PDLIM5: variants seen among roughly 807,000 people sequenced by gnomAD.
The protein encoded by PDLIM5 is PDZ and LIM domain protein 5.
In PDLIM5, 34 loss-of-function variants were observed where a neutral mutation model predicts 64.2. The observed-to-expected ratio is 0.53, with a 90% CI of 0.40 to 0.71. The LOEUF is 0.71. Ranked by LOEUF, PDLIM5 falls within the 30% of genes least tolerant of loss-of-function variation. The pLI is 0.00. For missense variants in PDLIM5, 683 were observed against 733.6 expected (o/e 0.93, Z 0.80); for synonymous variants, 253 against 269.1 (o/e 0.94, Z 0.59).
chr4:94,497,800 A>G (rs1033016564), intron 2 of PDLIM5, among the ~76,000 whole-genome samples: 9 of 152,124 alleles, frequency 5.9e-5, no homozygotes, highest in Non-Finnish European at 1.0e-4. Flanking sequence ...AAATCTTAGG[A>G]GATTTTGGGC....
intron 2 of PDLIM5, among the ~76,000 whole-genome samples, chr4:94,516,362 TA>T (rs1445663652): frequency 6.6e-6 from 1 of 152,228 alleles, no homozygotes; most frequent in Admixed American, 6.5e-5. Context: ...GGCCCACTGT[TA>T]AAGTAAGTAC....
intron 2 of PDLIM5, among the ~76,000 whole-genome samples, chr4:94,494,114 CATG>C (rs1218969446): frequency 6.6e-6 from 1 of 152,012 alleles, no homozygotes; most frequent in Non-Finnish European, 1.5e-5. Context: ...CATGCACCAC[CATG>C]CATGGTGAAT....
intron 3 of PDLIM5, among the ~76,000 whole-genome samples, chr4:94,524,661 A>G (rs1730181735): frequency 6.6e-6 from 1 of 152,012 alleles, no homozygotes; most frequent in Non-Finnish European, 1.5e-5. Context: ...ATTAATCATC[A>G]CATTGTTTAT....
At chr4:94,504,586 G>A (rs1187811599) in intron 2 of PDLIM5, among the ~76,000 whole-genome samples, 4 of 152,000 alleles carry the variant, frequency 2.6e-5, no homozygotes, top group African/African-American at 7.2e-5. Context: ...TGCCTGGCCC[G>A]TTACGCTATT....
intron 3 of PDLIM5, among the ~76,000 whole-genome samples, chr4:94,566,550 A>G (rs1055850348): frequency 6.6e-6 from 1 of 152,200 alleles, no homozygotes; most frequent in African/African-American, 2.4e-5. Flanking sequence ...TGTTACATAC[A>G]TTACCTCATT....
chr4:94,456,821 G>A (rs1723415078), intron 2 of PDLIM5: 1 of 1,139,882 alleles, frequency 8.8e-7, no homozygotes, highest in Non-Finnish European at 1.1e-6. Flanking sequence ...CAACAAACTT[G>A]GATATTTATC....
chr4:94,524,794 A>G (rs1395173122), intron 3 of PDLIM5, among the ~76,000 whole-genome samples: 1 of 152,150 alleles, frequency 6.6e-6, no homozygotes, highest in African/African-American at 2.4e-5. Context: ...ACCAGGAGTT[A>G]TATTTATTGA....
intron 7 of PDLIM5, chr4:94,610,962 A>C (rs1738315528): frequency 3.9e-6 from 3 of 764,896 alleles, no homozygotes; most frequent in African/African-American, 3.5e-5. Flanking sequence ...CTCTCTCCCC[A>C]CCCTCTCTCT....
intron 2 of PDLIM5, among the ~76,000 whole-genome samples, chr4:94,484,282 A>G (rs1726123827): frequency 6.6e-6 from 1 of 152,154 alleles, no homozygotes; most frequent in Non-Finnish European, 1.5e-5. Context: ...AGCTGAAAAC[A>G]TTTTTCTTTC....
chr4:94,608,271 T>C, intron 7 of PDLIM5: 1 of 845,978 alleles, frequency 1.2e-6, no homozygotes, highest in Admixed American at 2.7e-5. Context: ...TGATTGTTGA[T>C]TACAGAACGG....
At chr4:94,555,572 T>C (rs1733221262) in intron 3 of PDLIM5, among the ~76,000 whole-genome samples, 1 of 152,194 alleles carries the variant, frequency 6.6e-6, no homozygotes, top group Non-Finnish European at 1.5e-5. Context: ...TTATAACCTT[T>C]TTCATTTAAA....
At chr4:94,524,505 C>A (rs1942435788) in intron 3 of PDLIM5, among the ~76,000 whole-genome samples, 1 of 149,462 alleles carries the variant, frequency 6.7e-6, no homozygotes, top group African/African-American at 2.5e-5. Flanking sequence ...AAAGGGTATT[C>A]TTTTAGGATA....
At position 94,502,092 on chromosome 4, in the gene PDLIM5, T is replaced by G. The variant is rs565391906; in HGVS notation, c.97-21632T>G. 5.3e-5 allele frequency among the ~76,000 whole-genome samples: 8 copies of G among 152,300 alleles called. No individual in the cohort carries two copies. In the South Asian group the frequency reaches 1.0e-3, roughly 20 times the overall value. On this transcript the variant is annotated intron_variant, in intron 2 of 12. Coordinates refer to ENST00000317968, the MANE Select transcript of PDLIM5 (RefSeq NM_006457.5). ...CCCTTATTCCTACTCTTCTTCTGCT[T>G]CCTTTTCTCTCTTCCTTTTTGGTCT...
chr4:94,563,828 C>T (rs1021577503), intron 3 of PDLIM5, among the ~76,000 whole-genome samples: 1 of 151,986 alleles, frequency 6.6e-6, no homozygotes, highest in Non-Finnish European at 1.5e-5. Flanking sequence ...TTTATTCCTT[C>T]TCTCTTCCTT....
At position 94,576,031 on chromosome 4, in the gene PDLIM5, A is replaced by G. The variant is rs1338987339; in HGVS notation, c.707A>G (p.Asn236Ser). ...RGSQGDSKQQ[N>S]GPPRKHIVER... Reference sequence around the variant, plus strand: ...TCCCAGGGTGACAGTAAACAGCAAAATGGGTAGGTGGCTAAGGTGCTTTCT... The same window carrying G: ...TCCCAGGGTGACAGTAAACAGCAAAGTGGGTAGGTGGCTAAGGTGCTTTCT... The change falls in exon 5 of 13, where the codon AAT becomes AGT. Residue 236 changes from asparagine to serine, a missense_variant. Transcript: ENST00000317968. 2 of 1,611,912 alleles carry G rather than the reference A, an allele frequency of 1.2e-6. No individual in the cohort carries two copies. The highest frequency in any genetic ancestry group is 1.1e-5 in the South Asian group (1 of 90,908).
At chr4:94,663,056 A>C (rs1462175115) in intron 12 of PDLIM5, among the ~76,000 whole-genome samples, 1 of 152,148 alleles carries the variant, frequency 6.6e-6, no homozygotes, top group Non-Finnish European at 1.5e-5. Context: ...TGATATTTTA[A>C]TATTTTTGGT....
In PDLIM5 at chr4:94,543,341, A is replaced by G. The variant is rs190945571; in HGVS notation, c.248+19466A>G. Among the ~76,000 whole-genome samples, 357 of 152,132 alleles carry G rather than the reference A, an allele frequency of 2.3e-3. 3 individuals are homozygous for G. Among genetic ancestry groups the G allele is most frequent in the African/African-American group, 7.8e-3 (323 of 41,522 alleles). On this transcript the variant is annotated intron_variant, in intron 3 of 12. Coordinates refer to ENST00000317968, the MANE Select transcript of PDLIM5 (RefSeq NM_006457.5). ...TTATGAATAAAAGTTGTATATGTTT[A>G]TCATGTACAACATAATGTTTTGAAA...
intron 3 of PDLIM5, among the ~76,000 whole-genome samples, chr4:94,567,297 C>A (rs1013115532): frequency 1.3e-5 from 2 of 152,148 alleles, no homozygotes; most frequent in African/African-American, 4.8e-5. Flanking sequence ...CACAAAAGAG[C>A]CAATAAAATG....
At chr4:94,577,466 G>GATATAT (rs10591059) in intron 5 of PDLIM5, 5 of 368,028 alleles carry the variant, frequency 1.4e-5, no homozygotes, top group South Asian at 5.8e-5. Flanking sequence ...CTAAAGTTCT[G>GATATAT]ATATATATAT....
Sources: gnomAD v4.1 joint callset for allele counts (sites outside exome capture counted in the v4.1 genomes callset) on GRCh38, gnomAD v4.1.1 for gene constraint, MANE v1.5 for transcripts, NCBI Gene and HGNC (gene_info 2026-07-23, HGNC 2026-07-21) for gene names.